The following SLC1A3 variants were observed in gnomAD, a reference collection of about 807,000 sequenced individuals.
SLC1A3 encodes the protein excitatory amino acid transporter 1.
A neutral mutation model predicts 48.1 loss-of-function variants in SLC1A3; 21 were observed. That is an observed-to-expected ratio of 0.44 (90% confidence interval 0.31 to 0.63). SLC1A3 has a LOEUF of 0.63. Ranked by LOEUF, SLC1A3 falls within the 20% of genes least tolerant of loss-of-function variation. The probability of loss-of-function intolerance (pLI) is 0.08; values close to 1 mark genes in which losing one functional copy is unlikely to be tolerated. For missense variants in SLC1A3, 546 were observed against 689.0 expected (o/e 0.79, Z 2.32); for synonymous variants, 239 against 251.4 (o/e 0.95, Z 0.47).
intron 3 of SLC1A3, among the ~76,000 whole-genome samples, chr5:36,659,603 T>C (rs900340764): frequency 6.6e-6 from 1 of 152,118 alleles, no homozygotes; most frequent in Non-Finnish European, 1.5e-5. Context: ...AGCCCTGGAG[T>C]TCATGTTGAT....
Position 36,686,515 on chromosome 5 carries a change from A to T in SLC1A3, c.*246A>T. On this transcript the variant is annotated 3_prime_UTR_variant, in exon 10 of 10. Coordinates refer to ENST00000265113, the MANE Select transcript of SLC1A3 (RefSeq NM_004172.5). Reference sequence around the variant, plus strand: ...TAGTCTTACCGAATAAGGTACCAAGATCACAAATAGTGTTGATCAGATCTT... The same window carrying T: ...TAGTCTTACCGAATAAGGTACCAAGTTCACAAATAGTGTTGATCAGATCTT... 1 of 528,010 alleles carries T rather than the reference A, an allele frequency of 1.9e-6. No individual in the cohort carries two copies. The highest frequency in any genetic ancestry group is 3.4e-6 in the Non-Finnish European group (1 of 293,476). The allele number at this position is 528,010 out of a possible 1,614,324, so 32.7% of individuals were successfully genotyped here. A position where few individuals can be genotyped will look rare whatever the true frequency, so the allele number is the denominator to read the frequency against.
intron 3 of SLC1A3, chr5:36,636,469 TTCTTTC>T (rs1267331071): frequency 1.3e-5 from 1 of 78,588 alleles, no homozygotes; most frequent in African/African-American, 5.6e-5. Context: ...TTTCTTTTCT[TTCTTTC>T]TTTCTTTCTT....
intron 4 of SLC1A3, among the ~76,000 whole-genome samples, 194 bp downstream of exon 4, chr5:36,671,427 C>T (rs575826744): frequency 3.3e-5 from 5 of 152,164 alleles, no homozygotes; most frequent in Admixed American, 1.3e-4. Context: ...ATGAGAGAGG[C>T]GAAAAGAGCA....
At chr5:36,639,662 A>G (rs895005450) in intron 3 of SLC1A3, among the ~76,000 whole-genome samples, 1 of 152,256 alleles carries the variant, frequency 6.6e-6, no homozygotes, top group African/African-American at 2.4e-5. Context: ...TTATTCTCCC[A>G]AAAGGATGCT....
chr5:36,596,924 T>C (rs1160518396), intron 1 of SLC1A3, among the ~76,000 whole-genome samples: 1 of 152,094 alleles, frequency 6.6e-6, no homozygotes, highest in African/African-American at 2.4e-5. Flanking sequence ...GGCCTGTTTC[T>C]GCTGATAGAT....
upstream of SLC1A3, among the ~76,000 whole-genome samples, chr5:36,604,906 T>TTG (rs1333033320): frequency 1.8e-5 from 2 of 112,128 alleles, no homozygotes; most frequent in African/African-American, 6.2e-5. Context: ...AAAAAAGCGG[T>TTG]GGGGGGGGGG....
chr5:36,649,412 G>A (rs1328647588), intron 3 of SLC1A3: 1 of 150,676 alleles, frequency 6.6e-6, no homozygotes, highest in African/African-American at 2.5e-5. Context: ...CACACAAAAA[G>A]GGACAATTGG....
chr5:36,639,961 C>T (rs137979348), intron 3 of SLC1A3, among the ~76,000 whole-genome samples: 2 of 152,172 alleles, frequency 1.3e-5, no homozygotes, highest in Non-Finnish European at 2.9e-5. Flanking sequence ...AGACTCTGTG[C>T]ACCATAAAGC....
intron 3 of SLC1A3, among the ~76,000 whole-genome samples, chr5:36,645,633 C>T (rs760986186): frequency 6.6e-6 from 1 of 152,024 alleles, no homozygotes. Context: ...CCCTCCATTG[C>T]CTTTTGACCA....
chr5:36,661,721 A>G (rs1741523012), intron 3 of SLC1A3, among the ~76,000 whole-genome samples: 1 of 152,210 alleles, frequency 6.6e-6, no homozygotes, highest in Non-Finnish European at 1.5e-5. Context: ...ACTGGTCTTT[A>G]ACATTCATAT....
chr5:36,655,655 C>T (rs1741255639), intron 3 of SLC1A3, among the ~76,000 whole-genome samples: 1 of 152,188 alleles, frequency 6.6e-6, no homozygotes, highest in Non-Finnish European at 1.5e-5. Flanking sequence ...AAGCTTTAAG[C>T]CACTTTGCCT....
At chr5:36,605,708 C>CA (rs766920882), upstream of SLC1A3, among the ~76,000 whole-genome samples, 1 of 152,044 alleles carries the variant, frequency 6.6e-6, no homozygotes, top group African/African-American at 2.4e-5. Flanking sequence ...TAAGTCACCT[C>CA]AAAAAAATTT....
At position 36,671,095 on chromosome 5, in the gene SLC1A3, C is replaced by T. The variant is rs1383988805; in HGVS notation, c.386C>T (p.Thr129Ile). The T allele has an allele frequency of 6.2e-7, 1 of 1,613,830 alleles. No homozygotes were observed. Among genetic ancestry groups the T allele is most frequent in the Non-Finnish European group, 8.5e-7 (1 of 1,179,810 alleles). ...MGMRAVVYYMTTTIIAVVIGI... is the reference protein window; with the variant it reads ...MGMRAVVYYMITTIIAVVIGI... ...ATGCGAGCTGTAGTCTATTATATGACTACCACCATCATTGCTGTGGTGATT... is the reference window on the plus strand; with the variant it reads ...ATGCGAGCTGTAGTCTATTATATGATTACCACCATCATTGCTGTGGTGATT... The change falls in exon 4 of 10, where the codon ACT becomes ATT. Residue 129 changes from threonine (T) to isoleucine (I), a missense_variant. Physicochemically the swap from Thr to Ile is moderately conservative, Grantham distance 89. Transcript: ENST00000265113.
chr5:36,616,446 C>T (rs1225846242), intron 2 of SLC1A3, among the ~76,000 whole-genome samples: 8 of 152,038 alleles, frequency 5.3e-5, no homozygotes, highest in Admixed American at 4.6e-4. Context: ...TAAATTTAGG[C>T]GCAGCAAATT....
intron 3 of SLC1A3, among the ~76,000 whole-genome samples, chr5:36,662,863 A>G (rs1490238719): frequency 6.6e-6 from 1 of 152,342 alleles, no homozygotes; most frequent in South Asian, 2.1e-4. Flanking sequence ...ACAGAAATAA[A>G]GCTTGACCAC....
chr5:36,642,772 T>G (rs1263833985), intron 3 of SLC1A3, among the ~76,000 whole-genome samples: 1 of 152,204 alleles, frequency 6.6e-6, no homozygotes, highest in African/African-American at 2.4e-5. Context: ...TCTCTATAGA[T>G]CTACCTATTA....
chr5:36,670,586 G>C (rs973344589), intron 3 of SLC1A3, among the ~76,000 whole-genome samples: 4 of 152,100 alleles, frequency 2.6e-5, no homozygotes, highest in African/African-American at 4.8e-5. Flanking sequence ...TGAATCACCA[G>C]AGTGCTTGAA....
chr5:36,598,282 G>A (rs896207326), intron 1 of SLC1A3, among the ~76,000 whole-genome samples: 3 of 152,222 alleles, frequency 2.0e-5, no homozygotes, highest in Admixed American at 6.5e-5. Context: ...CAGTGGGATT[G>A]TTGTGACAAG....
rs539578054 is a variant in SLC1A3 at position 36,671,036 on chromosome 5, G to A, written c.327G>A (p.Ala109=). The part of the protein sequence containing the change: ...LIISSLVTGM[A]ALDSKASGKM... The stretch of plus-strand genomic sequence containing the variant: ...TCTGTTTGCCTCCACCAGGAATGGC[G>A]GCGCTAGATAGTAAGGCATCAGGGA... Residue 109 remains alanine, a synonymous_variant, in exon 4 of 10, where the codon GCG becomes GCA. Coordinates refer to ENST00000265113, the MANE Select transcript of SLC1A3 (RefSeq NM_004172.5). 55 of 1,613,888 alleles carry A rather than the reference G, an allele frequency of 3.4e-5. No individual in the cohort carries two copies. The South Asian group carries it at 3.5e-4, about 10-fold the overall frequency.
Sources: allele counts gnomAD v4.1 joint callset (sites outside exome capture counted in the v4.1 genomes callset), GRCh38; gene constraint gnomAD v4.1.1; transcripts MANE v1.5; gene names NCBI Gene and HGNC (gene_info 2026-07-23, HGNC 2026-07-21).